PPL: variants seen among roughly 807,000 people sequenced by gnomAD.
The protein encoded by PPL is 190 kDa paraneoplastic pemphigus antigen.
PPL carries 198 observed loss-of-function variants against 194.4 expected under a neutral mutation model. That is an observed-to-expected ratio of 1.02 (90% CI 0.91 to 1.15). The LOEUF (loss-of-function observed/expected upper bound fraction) is 1.15, where lower values mean the gene tolerates loss of function less well. PPL is among the 50% of genes most tolerant of loss of function. The pLI is 0.00. For missense variants in PPL, 2,885 were observed against 2,294.8 expected, an observed-to-expected ratio of 1.26 and a Z score of -5.25; for synonymous variants, 1,220 against 972.4, an observed-to-expected ratio of 1.25 and a Z score of -4.74.
At chr16:4,905,436 G>C (rs1287398300) in intron 2 of PPL, among the ~76,000 whole-genome samples, 1 of 152,188 alleles carries the variant, frequency 6.6e-6, no homozygotes, top group African/African-American at 2.4e-5. Context: ...GCCTGGGGCA[G>C]GGCTGGGAAG....
At position 4,885,112 on chromosome 16, in the gene PPL, G is replaced by T; in HGVS notation, c.3543C>A (p.Asp1181Glu). ...TCGCCACTTCACTTTCCGCCTTGGGGTCTGGCCGCACGATCTCCCGCACCT... is the reference window on the plus strand; with the variant it reads ...TCGCCACTTCACTTTCCGCCTTGGGTTCTGGCCGCACGATCTCCCGCACCT... ...QEKVREIVRP[D>E]PKAESEVANL... is the part of the protein sequence containing the mutation. The change falls in exon 22 of 22, where the codon GAC becomes GAA. Residue 1181 changes from aspartate to glutamate, a missense_variant. Physicochemically the swap from Asp to Glu is conservative, Grantham distance 45 (BLOSUM62 2). Transcript: ENST00000345988. This position sits in a 1 kb window ranked among gnomAD's most constrained non-coding sequence, Gnocchi z 6.3. 2 of 1,613,850 alleles carry T rather than the reference G, an allele frequency of 1.2e-6. No individual in the cohort carries two copies. Among genetic ancestry groups the T allele is most frequent in the Non-Finnish European group, 8.5e-7 (1 of 1,180,010 alleles).
intron 2 of PPL, among the ~76,000 whole-genome samples, chr16:4,907,433 G>C (rs889273726): frequency 6.6e-6 from 1 of 151,908 alleles, no homozygotes; most frequent in Non-Finnish European, 1.5e-5. Flanking sequence ...TTCGCTGTAC[G>C]GTTTTCTGCA....
chr16:4,912,384 A>C (rs1024683482), intron 1 of PPL, among the ~76,000 whole-genome samples: 1 of 152,216 alleles, frequency 6.6e-6, no homozygotes, highest in Non-Finnish European at 1.5e-5. Flanking sequence ...TTAGAACTTC[A>C]TTCTTTTTAT....
chr16:4,885,351 C>T lies in PPL; in HGVS notation c.3304G>A (p.Glu1102Lys). Residue 1102 changes from glutamate (E) to lysine (K), a missense_variant, in exon 22 of 22, where the codon GAG becomes AAG. Glu to Lys is a moderately conservative substitution (Grantham distance 56). Coordinates refer to ENST00000345988, the MANE Select transcript of PPL (RefSeq NM_002705.5). This position sits in a 1 kb window ranked among gnomAD's most constrained non-coding sequence, Gnocchi z 6.3. ...CCCTCGGCCATGGCCCGCTCCTTCT[C>T]TAGCCTCTTGAGCTTGTCCTGGAGG... is the stretch of plus-strand genomic sequence containing the variant. ...SFLQDKLKRL[E>K]KERAMAEGKI... The T allele has an allele frequency of 6.2e-7, 1 of 1,613,006 alleles. No individual in the cohort carries two copies. Among genetic ancestry groups the T allele is most frequent in the South Asian group, 1.1e-5 (1 of 91,072 alleles).
intron 8 of PPL, 73 bp downstream of exon 8, chr16:4,898,939 CT>C: frequency 7.9e-7 from 1 of 1,267,058 alleles, no homozygotes; most frequent in Non-Finnish European, 1.1e-6. Context: ...TCTGCCCGAG[CT>C]CCAGGCGGCC....
chr16:4,898,988 G>A (rs763956807), intron 8 of PPL, 25 bp downstream of exon 8: 1 of 1,601,022 alleles, frequency 6.2e-7, no homozygotes, highest in Non-Finnish European at 8.6e-7. Flanking sequence ...CCTGGGGGAG[G>A]TGTCTGGTCT....
At chr16:4,891,295 G>A (rs1040604231) in intron 16 of PPL, 1 of 182,374 alleles carries the variant, frequency 5.5e-6, no homozygotes, top group African/African-American at 2.4e-5. Flanking sequence ...TGTGGGAAGG[G>A]GGCCCGTGGC....
At chr16:4,922,962 C>T (rs1029966) in intron 1 of PPL, among the ~76,000 whole-genome samples, 116,398 of 152,084 alleles carry the variant, frequency 0.77, 45,811 homozygotes, top group Middle Eastern at 0.86. Context: ...GATCCTGCGT[C>T]CCAGATGCCC....
At position 4,920,371 on chromosome 16, in the gene PPL, G is replaced by GAAAGAAAGAAAGAAA; in HGVS notation, c.63-9423_63-9422insTTTCTTTCTTTCTTT. On this transcript the variant is annotated intron_variant, in intron 1 of 21. Coordinates refer to ENST00000345988, the MANE Select transcript of PPL (RefSeq NM_002705.5). ...AGAAAGAAAGAAAGAAAGAAAGAAA[G>GAAAGAAAGAAAGAAA]GACACCTCGGTCAAATTTCAAAGAC... 4.2e-3 allele frequency among the ~76,000 whole-genome samples: 394 copies of GAAAGAAAGAAAGAAA among 94,198 alleles called. 132 individuals carry two copies. Among genetic ancestry groups the GAAAGAAAGAAAGAAA allele is most frequent in the South Asian group, 9.0e-3 (20 of 2,228 alleles). 61.8% of individuals were successfully genotyped at this position (94,198 alleles called of 152,430 possible).
intron 12 of PPL, among the ~76,000 whole-genome samples, 162 bp downstream of exon 12, chr16:4,894,305 C>G (rs1203005836): frequency 6.6e-6 from 1 of 152,218 alleles, no homozygotes; most frequent in Non-Finnish European, 1.5e-5. Flanking sequence ...GGCCCACAAT[C>G]TGCCCCTCTC....
chr16:4,895,777 C>A, intron 9 of PPL, 61 bp from the exon 10 acceptor site: 2 of 1,609,126 alleles, frequency 1.2e-6, no homozygotes, highest in Non-Finnish European at 1.7e-6. Context: ...GGGCTTCTGT[C>A]GGAGGCTTCA....
intron 12 of PPL, 117 bp from the exon 13 acceptor site, chr16:4,893,755 G>T: frequency 1.3e-6 from 1 of 778,074 alleles, no homozygotes. Flanking sequence ...CAGCTCCTTA[G>T]ATGCGGACAG....
At position 4,884,206 on chromosome 16, in the gene PPL, G is replaced by A. The variant is rs1196021948; in HGVS notation, c.4449C>T (p.Leu1483=). The change falls in exon 22 of 22, where the codon CTC becomes CTT. Residue 1483 remains leucine, a synonymous_variant. Transcript: ENST00000345988. This position sits in a 1 kb window ranked among gnomAD's most constrained non-coding sequence, Gnocchi z 5.7. ...RQLLEGELET[L]RRKLAALEKA... ...TCTCCAGTGCAGCCAGTTTCCTCCGGAGGGTCTCGAGCTCCCCCTCCAGGA... is the reference window on the plus strand; with the variant it reads ...TCTCCAGTGCAGCCAGTTTCCTCCGAAGGGTCTCGAGCTCCCCCTCCAGGA... 6.2e-7 allele frequency: 1 copy of A among 1,613,720 alleles called. No individual in the cohort carries two copies. Among genetic ancestry groups the A allele is most frequent in the Non-Finnish European group, 8.5e-7 (1 of 1,179,996 alleles).
intron 2 of PPL, among the ~76,000 whole-genome samples, chr16:4,910,140 T>C (rs1168006260): frequency 1.3e-5 from 2 of 151,986 alleles, no homozygotes; most frequent in Non-Finnish European, 2.9e-5. Flanking sequence ...TGCCGTTGAG[T>C]CCACTGGGCA....
chr16:4,899,470 T>TATGG, intron 6 of PPL, 86 bp from the exon 7 acceptor site: 1 of 1,511,358 alleles, frequency 6.6e-7, no homozygotes, highest in Non-Finnish European at 8.8e-7. Context: ...AGGGCCCAGC[T>TATGG]ATGGCTGGCC....
chr16:4,894,741 C>CACTCTACG, intron 11 of PPL, 123 bp from the exon 12 acceptor site: 1 of 1,138,256 alleles, frequency 8.8e-7, no homozygotes, highest in Non-Finnish European at 1.2e-6. Context: ...GGACCCTCCC[C>CACTCTACG]GTAGAGTGGG....
chr16:4,927,064 C>T (rs1280427135), intron 1 of PPL, among the ~76,000 whole-genome samples: 1 of 151,942 alleles, frequency 6.6e-6, no homozygotes, highest in Non-Finnish European at 1.5e-5. Flanking sequence ...AAATAGGGCA[C>T]TATGGTGGAG....
At chr16:4,886,225 G>GTT (rs1316229408) in intron 21 of PPL, among the ~76,000 whole-genome samples, 178 bp from the exon 22 acceptor site, 1 of 151,770 alleles carries the variant, frequency 6.6e-6, no homozygotes, top group African/African-American at 2.4e-5. Flanking sequence ...CTAGTTTGGG[G>GTT]TTTTTTTTAA....
At chr16:4,901,895 A>G (rs1014355709) in intron 4 of PPL, among the ~76,000 whole-genome samples, 2 of 152,074 alleles carry the variant, frequency 1.3e-5, no homozygotes, top group Non-Finnish European at 2.9e-5. Context: ...AGCCATGATC[A>G]TGCCACTGCA....
Sources: allele counts gnomAD v4.1 joint callset (sites outside exome capture counted in the v4.1 genomes callset), GRCh38; gene constraint gnomAD v4.1.1; non-coding constraint Gnocchi (gnomAD v3.1); transcripts MANE v1.5; gene names NCBI Gene and HGNC (gene_info 2026-07-23, HGNC 2026-07-21).